CDK5RAP2: variants seen among roughly 807,000 people sequenced by gnomAD.
The protein encoded by CDK5RAP2 is CDK5 regulatory subunit associated protein 2.
In CDK5RAP2, 147 loss-of-function variants were observed where a neutral mutation model predicts 232.9. The observed-to-expected ratio is 0.63, with a 90% CI of 0.55 to 0.72. The LOEUF (loss-of-function observed/expected upper bound fraction) is 0.72, where lower values mean the gene tolerates loss of function less well. Among genes scored for constraint, CDK5RAP2 ranks in the 30% least tolerant of loss-of-function variants. The pLI is 0.00. For synonymous variants in CDK5RAP2, 833 were observed against 833.7 expected (o/e 1.00, Z 0.01); for missense variants, 2,195 against 2,231.5 (o/e 0.98, Z 0.33).
rs2038670743 is a variant in CDK5RAP2 at position 120,487,419 on chromosome 9, A to C, written c.1501T>G (p.Leu501Val). 2.5e-6 allele frequency: 4 copies of C among 1,607,338 alleles called. No homozygotes were observed. In the East Asian group the frequency reaches 6.7e-5, roughly 27 times the overall value. The change falls in exon 14 of 38, where the codon TTG (leucine) becomes GTG (valine). Residue 501 changes from leucine (L) to valine (V), a missense_variant. Transcript: ENST00000349780. ...VLLQKFNEKD[L>V]EVIQQNCYLM... ...TAGCAGTTCTGCTGTATTACTTCCA[A>C]ATCTTTTTCATTGAATTTCTAATGA...
At chr9:120,402,041 C>A (rs1380335091) in intron 34 of CDK5RAP2, among the ~76,000 whole-genome samples, 1 of 152,012 alleles carries the variant, frequency 6.6e-6, no homozygotes. Flanking sequence ...CCTGTAATCC[C>A]AACACTTTAG....
chr9:120,461,062 T>A (rs1045652617), intron 18 of CDK5RAP2, among the ~76,000 whole-genome samples: 1 of 152,244 alleles, frequency 6.6e-6, no homozygotes, highest in African/African-American at 2.4e-5. Context: ...TAGCTATTGA[T>A]GGAATTGAAA....
intron 12 of CDK5RAP2, among the ~76,000 whole-genome samples, chr9:120,507,590 C>G (rs1303488314): frequency 6.6e-6 from 1 of 151,846 alleles, no homozygotes; most frequent in Non-Finnish European, 1.5e-5. Context: ...TAGGGAAGAC[C>G]ACAGAAAATT....
At chr9:120,446,523 G>C (rs2036201568) in intron 22 of CDK5RAP2, among the ~76,000 whole-genome samples, 1 of 152,150 alleles carries the variant, frequency 6.6e-6, no homozygotes, top group South Asian at 2.1e-4. Flanking sequence ...ACCGCACTCG[G>C]CCTGTCAACT....
At chr9:120,492,988 A>G (rs1191139528) in intron 12 of CDK5RAP2, among the ~76,000 whole-genome samples, 1 of 152,242 alleles carries the variant, frequency 6.6e-6, no homozygotes, top group African/African-American at 2.4e-5. Context: ...TATAGTCTCT[A>G]AACGCCTTTT....
chr9:120,400,965 T>C, intron 34 of CDK5RAP2, 80 bp from the exon 35 acceptor site: 4 of 1,509,400 alleles, frequency 2.7e-6, no homozygotes, highest in Non-Finnish European at 3.7e-6. Flanking sequence ...GCAGTATAAA[T>C]CTCCAGACTG....
At chr9:120,465,158 G>A (rs977225453) in intron 18 of CDK5RAP2, among the ~76,000 whole-genome samples, 4 of 152,002 alleles carry the variant, frequency 2.6e-5, no homozygotes, top group African/African-American at 9.7e-5. Context: ...TAACCCTTTC[G>A]AGCCTTTGCA....
chr9:120,411,537 T>C, intron 28 of CDK5RAP2, 63 bp from the exon 29 acceptor site: 1 of 893,314 alleles, frequency 1.1e-6, no homozygotes, highest in Non-Finnish European at 1.9e-6. Flanking sequence ...GACAGAACTT[T>C]CTAGAAAGCA....
At chr9:120,549,389 G>A (rs2041970047) in intron 4 of CDK5RAP2, among the ~76,000 whole-genome samples, 1 of 152,126 alleles carries the variant, frequency 6.6e-6, no homozygotes, top group Non-Finnish European at 1.5e-5. Context: ...ATATCTCTTA[G>A]GCTTTTTGAA....
chr9:120,481,999 T>C (rs1358082053), intron 14 of CDK5RAP2, among the ~76,000 whole-genome samples: 3 of 152,254 alleles, frequency 2.0e-5, no homozygotes, highest in African/African-American at 7.2e-5. Flanking sequence ...GCTACCAACA[T>C]ATCATCTCTA....
chr9:120,431,232 C>A (rs909360613), intron 25 of CDK5RAP2, among the ~76,000 whole-genome samples: 2 of 151,846 alleles, frequency 1.3e-5, no homozygotes, highest in Non-Finnish European at 2.9e-5. Flanking sequence ...CTGCACATTG[C>A]GCACATGTAC....
At position 120,460,655 on chromosome 9, in the gene CDK5RAP2, T is replaced by G. The variant is rs759354455; in HGVS notation, c.2119A>C (p.Lys707Gln). The change falls in exon 19 of 38, where the codon AAG (lysine) becomes CAG (glutamine). Residue 707 changes from lysine to glutamine, a missense_variant. Lys to Gln is a moderately conservative substitution (Grantham distance 53). Transcript: ENST00000349780. Reference protein sequence around the residue: ...STEQTELLASKEDEDTIKIGE... With the variant: ...STEQTELLASQEDEDTIKIGE... ...ATTTTGATCGTGTCCTCGTCCTCCT[T>G]GCTAGCCAGAAGCTACATGGAGCAT... 1.9e-6 allele frequency: 3 copies of G among 1,614,112 alleles called. No homozygotes were observed. Among genetic ancestry groups the G allele is most frequent in the South Asian group, 1.1e-5 (1 of 91,080 alleles).
At chr9:120,550,684 A>G (rs2132055838) in intron 4 of CDK5RAP2, 108 bp downstream of exon 4, 1 of 773,870 alleles carries the variant, frequency 1.3e-6, no homozygotes, top group East Asian at 2.5e-5. Flanking sequence ...GATTAAATGA[A>G]AGCATCTCTA....
intron 11 of CDK5RAP2, among the ~76,000 whole-genome samples, chr9:120,523,210 C>T (rs898710685): frequency 1.3e-5 from 2 of 152,152 alleles, no homozygotes; most frequent in Non-Finnish European, 2.9e-5. Context: ...TTGACTAAGA[C>T]TGGGGTTATT....
rs192112425 is a variant in CDK5RAP2 at position 120,497,966 on chromosome 9, T to C, written c.1312-6489A>G. On this transcript the variant is annotated intron_variant, in intron 12 of 37. Coordinates refer to ENST00000349780, the MANE Select transcript of CDK5RAP2 (RefSeq NM_018249.6). ...AGAATCCAGGGCTCAAGGCATAAAA[T>C]CCCTTGTAGCTCTAGGATGTGTCTA... Among the ~76,000 whole-genome samples, 35 of 152,252 alleles carry C rather than the reference T, an allele frequency of 2.3e-4. No individual in the cohort carries two copies. The East Asian group carries it at 3.3e-3, about 14-fold the overall frequency.
intron 18 of CDK5RAP2, among the ~76,000 whole-genome samples, chr9:120,461,284 G>C (rs1468578059): frequency 6.6e-6 from 1 of 152,218 alleles, no homozygotes; most frequent in Non-Finnish European, 1.5e-5. Flanking sequence ...TATGCTTTTG[G>C]AAATGAAGGA....
At chr9:120,553,167 T>C (rs1490195416) in intron 3 of CDK5RAP2, among the ~76,000 whole-genome samples, 2 of 152,216 alleles carry the variant, frequency 1.3e-5, no homozygotes, top group African/African-American at 4.8e-5. Flanking sequence ...ACTATATACA[T>C]GATCAAAGAT....
At chr9:120,527,420 C>T (rs368395459) in intron 10 of CDK5RAP2, among the ~76,000 whole-genome samples, 57 of 151,762 alleles carry the variant, frequency 3.8e-4, no homozygotes, top group African/African-American at 1.3e-3. Flanking sequence ...GTGCTGTAAA[C>T]ACATCTGAAC....
At chr9:120,436,669 G>C (rs1363250165) in intron 25 of CDK5RAP2, among the ~76,000 whole-genome samples, 1 of 152,086 alleles carries the variant, frequency 6.6e-6, no homozygotes, top group African/African-American at 2.4e-5. Context: ...AATAGAGCGC[G>C]TGTGTGTACA....
Sources: gnomAD v4.1 joint callset for allele counts (sites outside exome capture counted in the v4.1 genomes callset) on GRCh38, gnomAD v4.1.1 for gene constraint, MANE v1.5 for transcripts, NCBI Gene and HGNC (gene_info 2026-07-23, HGNC 2026-07-21) for gene names.